The following ASIP variants were observed in gnomAD, a reference collection of about 807,000 sequenced individuals.
ASIP encodes the protein agouti-signaling protein.
ASIP carries 11 observed loss-of-function variants against 10.3 expected under a neutral mutation model. That is an observed-to-expected ratio of 1.07 (90% confidence interval 0.68 to 1.78). The LOEUF is 1.78. Ranked by LOEUF, ASIP falls within the 40% of genes most tolerant of loss-of-function variation. ASIP has a pLI of 0.00. For missense variants in ASIP, 180 were observed against 169.2 expected (o/e 1.06, Z -0.35); for synonymous variants, 70 against 70.8 (o/e 0.99, Z 0.06).
chr20:34,195,815 T>A (rs895451531), intron 1 of ASIP, among the ~76,000 whole-genome samples: 5 of 152,194 alleles, frequency 3.3e-5, no homozygotes. Flanking sequence ...GTTTGTTTTT[T>A]TTGCTGGAGT....
At chr20:34,200,474 T>C (rs2034885388) in intron 1 of ASIP, among the ~76,000 whole-genome samples, 1 of 152,260 alleles carries the variant, frequency 6.6e-6, no homozygotes, top group Non-Finnish European at 1.5e-5. Flanking sequence ...GAAGTAAATA[T>C]GATCTGAGTG....
intron 1 of ASIP, among the ~76,000 whole-genome samples, chr20:34,236,064 G>T (rs11906567): frequency 1.5e-5 from 2 of 133,356 alleles, no homozygotes; most frequent in South Asian, 5.1e-4. Context: ...GAAGGAGAGA[G>T]AGAAAGAAAG....
chr20:34,255,221 C>A (rs1295319963), intron 1 of ASIP, among the ~76,000 whole-genome samples: 1 of 152,194 alleles, frequency 6.6e-6, no homozygotes, highest in Non-Finnish European at 1.5e-5. Flanking sequence ...GTCCCACTAC[C>A]CCTTGGATTT....
At chr20:34,203,700 T>G (rs2034916046) in intron 1 of ASIP, among the ~76,000 whole-genome samples, 1 of 152,138 alleles carries the variant, frequency 6.6e-6, no homozygotes, top group Non-Finnish European at 1.5e-5. Context: ...CCCAGCCTTA[T>G]AAGTGGCGTA....
At chr20:34,191,778 G>A (rs2034826016), upstream of ASIP, among the ~76,000 whole-genome samples, 1 of 137,316 alleles carries the variant, frequency 7.3e-6, no homozygotes, top group African/African-American at 2.9e-5. Context: ...TATCCAGGCT[G>A]GAGAGCAATG....
intron 1 of ASIP, among the ~76,000 whole-genome samples, chr20:34,220,953 C>CTTTTTT (rs10661983): frequency 3.6e-3 from 390 of 109,728 alleles, no homozygotes; most frequent in African/African-American, 0.014. Context: ...TTCTTTCCTT[C>CTTTTTT]TTTTTTTTTT....
At position 34,215,841 on chromosome 20, in the gene ASIP, T is replaced by A. The variant is rs957768363; in HGVS notation, c.-11+21081T>A. On this transcript the variant is annotated intron_variant, in intron 1 of 3. Coordinates refer to the ASIP transcript ENST00000568305. ...TCAAAATAGGCCAGGGCCCTTAGTC[T>A]AAAGTCTGAATCAGCATTTGGATTT... 3.6e-6 allele frequency: 5 copies of A among 1,377,448 alleles called. No individual in the cohort carries two copies. The African/African-American group carries it at 5.7e-5, about 16-fold the overall frequency. 85.3% of individuals were successfully genotyped at this position (1,377,448 alleles called of 1,614,324 possible). A position where few individuals can be genotyped will look rare whatever the true frequency, so the allele number is the denominator to read the frequency against.
At chr20:34,254,513 C>T (rs113555045) in intron 1 of ASIP, among the ~76,000 whole-genome samples, 7 of 152,308 alleles carry the variant, frequency 4.6e-5, no homozygotes, top group African/African-American at 1.4e-4. Context: ...CCTTTGGCAA[C>T]TCATTTGGCA....
chr20:34,252,253 C>T (rs1045566635), intron 1 of ASIP, among the ~76,000 whole-genome samples: 8 of 152,128 alleles, frequency 5.3e-5, no homozygotes, highest in Admixed American at 1.3e-4. Context: ...ACAGAGGACC[C>T]GCACTGGTGC....
At position 34,258,897 on chromosome 20, in the gene ASIP, A is replaced by AGT. The variant is rs564859445; in HGVS notation, c.-10-1465_-10-1464dup. On this transcript the variant is annotated intron_variant, in intron 1 of 3. Coordinates refer to ENST00000374954, the MANE Select transcript of ASIP (RefSeq NM_001672.3). ...ACTATATATATAGTATTATATATATAGTGTATATATATATACACACATACA... is the reference window on the plus strand; with the variant it reads ...ACTATATATATAGTATTATATATATAGTGTGTATATATATATACACACATACA... 2.9e-4 allele frequency among the ~76,000 whole-genome samples: 39 copies of AGT among 133,528 alleles called. No individual in the cohort carries two copies. In the East Asian group the frequency reaches 7.9e-3, roughly 27 times the overall value. 87.6% of individuals were successfully genotyped at this position (133,528 alleles called of 152,430 possible). A position where few individuals can be genotyped will look rare whatever the true frequency, so the allele number is the denominator to read the frequency against.
chr20:34,235,793 GAAAGAAA>G, intron 1 of ASIP, among the ~76,000 whole-genome samples: 1 of 41,498 alleles, frequency 2.4e-5, no homozygotes, highest in African/African-American at 2.3e-4. Context: ...AAAGAAGAAA[GAAAGAAA>G]GAAAGAAAGA....
chr20:34,226,347 A>AT (rs553214022), intron 1 of ASIP, among the ~76,000 whole-genome samples: 4 of 150,714 alleles, frequency 2.7e-5, no homozygotes, highest in South Asian at 2.1e-4. Flanking sequence ...ATTTATTCTG[A>AT]TTTTTTTTTA....
At chr20:34,215,462 G>C in intron 1 of ASIP, 1 of 1,529,354 alleles carries the variant, frequency 6.5e-7, no homozygotes. Flanking sequence ...ATGAGGATTC[G>C]CAGGTACAGA....
intron 3 of ASIP, among the ~76,000 whole-genome samples, chr20:34,267,301 T>C (rs1420946399): frequency 1.3e-5 from 2 of 151,838 alleles, no homozygotes; most frequent in African/African-American, 4.8e-5. Flanking sequence ...AAGAGTGGTC[T>C]GGGAAGGCCT....
intron 1 of ASIP, among the ~76,000 whole-genome samples, chr20:34,196,712 C>G (rs76091428): frequency 2.6e-5 from 4 of 152,108 alleles, no homozygotes; most frequent in Non-Finnish European, 5.9e-5. Context: ...CCTGCGTAGC[C>G]GGTTCTGAGG....
intron 1 of ASIP, among the ~76,000 whole-genome samples, chr20:34,222,808 T>C (rs1462213661): frequency 6.6e-6 from 1 of 151,914 alleles, no homozygotes; most frequent in Non-Finnish European, 1.5e-5. Flanking sequence ...CTGACTGGTT[T>C]TGGTGGAGAC....
intron 1 of ASIP, among the ~76,000 whole-genome samples, chr20:34,258,690 T>TATATATATATACAC (rs1250992566): frequency 1.4e-5 from 1 of 72,326 alleles, no homozygotes; most frequent in African/African-American, 7.4e-5. Flanking sequence ...TATATATATA[T>TATATATATATACAC]ACATACTATA....
chr20:34,265,707 T>C (rs1380050522), intron 3 of ASIP, among the ~76,000 whole-genome samples: 1 of 152,044 alleles, frequency 6.6e-6, no homozygotes, highest in African/African-American at 2.4e-5. Flanking sequence ...CCCAGCACTT[T>C]GGGAGGCCAA....
chr20:34,198,443 C>T (rs2034872677), intron 1 of ASIP, among the ~76,000 whole-genome samples: 6 of 151,692 alleles, frequency 4.0e-5, no homozygotes, highest in Admixed American at 3.9e-4. Flanking sequence ...CCTAAATGGC[C>T]TGGATACACT....
Sources: gnomAD v4.1 joint callset for allele counts (sites outside exome capture counted in the v4.1 genomes callset) on GRCh38, gnomAD v4.1.1 for gene constraint, MANE v1.5 for transcripts, NCBI Gene and HGNC (gene_info 2026-07-23, HGNC 2026-07-21) for gene names.